The following PRKCG variants were observed in gnomAD, a reference collection of about 807,000 sequenced individuals.
PRKCG encodes the protein protein kinase C gamma type.
Under a neutral mutation model 82.0 loss-of-function variants are expected in PRKCG, and 28 were observed. The ratio of observed to expected loss-of-function variants is 0.34; its 90% confidence interval spans 0.25 to 0.47. The LOEUF (loss-of-function observed/expected upper bound fraction) is 0.47. Ranked by LOEUF, PRKCG falls within the 20% of genes least tolerant of loss-of-function variation. The pLI, the probability that PRKCG is intolerant of heterozygous loss-of-function variation, is 1.00. For synonymous variants in PRKCG, 383 were observed against 376.6 expected (o/e 1.02, Z -0.20); for missense variants, 640 against 952.7 (o/e 0.67, Z 4.32).
At position 53,900,844 on chromosome 19, in the gene PRKCG, A is replaced by C. The variant is rs114129588; in HGVS notation, c.1575+95A>C. ...TCACCACGGGTGAGGCCTGACCCTC[A>C]GACCTTGTCATGAGTTGTGGCCTTC... On this transcript the variant is annotated intron_variant, in intron 14 of 17. Transcript: ENST00000263431. This position sits in a 1 kb window ranked among gnomAD's most constrained non-coding sequence, Gnocchi z 4.2. The C allele has an allele frequency of 3.1e-4, 493 of 1,587,054 alleles. 1 individual carries two copies. The African/African-American group carries it at 5.6e-3, about 18-fold the overall frequency.
intron 3 of PRKCG, among the ~76,000 whole-genome samples, chr19:53,885,881 T>C (rs368592909): frequency 1.3e-4 from 20 of 151,836 alleles, no homozygotes; most frequent in Middle Eastern, 3.4e-3. Context: ...ACCAGATAAG[T>C]CTGATGCATC....
Position 53,882,697 on chromosome 19 carries a change from A to ACGT in PRKCG, c.170+33_170+34insCGT. ...AAGGGGGCTGGGGGACTGGGGGACG[A>ACGT]GGGGACTAGGGGTGCAGACTCCTAT... On this transcript the variant is annotated intron_variant, in intron 1 of 17. Coordinates refer to ENST00000263431, the MANE Select transcript of PRKCG (RefSeq NM_002739.5). The surrounding 1 kb of genome is among the most constrained non-coding windows in gnomAD (Gnocchi z 6.1). 6 of 768,322 alleles carry ACGT rather than the reference A, an allele frequency of 7.8e-6. No individual in the cohort carries two copies. Among genetic ancestry groups the ACGT allele is most frequent in the Non-Finnish European group, 1.3e-5 (6 of 469,868 alleles). 47.6% of individuals were successfully genotyped at this position (768,322 alleles called of 1,614,324 possible).
chr19:53,895,424 GCTGC>G (rs1309835497), intron 9 of PRKCG, among the ~76,000 whole-genome samples: 1 of 149,892 alleles, frequency 6.7e-6, no homozygotes, highest in East Asian at 2.0e-4. Flanking sequence ...GGAAGTAGAG[GCTGC>G]AGTGAGCCCA....
chr19:53,891,097 C>T (rs1445061651), intron 5 of PRKCG, among the ~76,000 whole-genome samples: 1 of 151,844 alleles, frequency 6.6e-6, no homozygotes, highest in African/African-American at 2.4e-5. Context: ...GTACCTGGTT[C>T]TGAGGGAGGC....
At chr19:53,898,969 T>C (rs534972438) in intron 11 of PRKCG, among the ~76,000 whole-genome samples, 1 of 71,508 alleles carries the variant, frequency 1.4e-5, no homozygotes, top group African/African-American at 6.5e-5. Context: ...GCGGATGAAA[T>C]CTTTGGGGGG....
chr19:53,884,425 A>C lies in PRKCG; in HGVS notation c.285+182A>C, dbSNP rs778831190. Among the ~76,000 whole-genome samples, 1 of 151,490 alleles carries C rather than the reference A, an allele frequency of 6.6e-6. No homozygotes were observed. Among genetic ancestry groups the C allele is most frequent in the Non-Finnish European group, 1.5e-5 (1 of 67,878 alleles). The stretch of plus-strand genomic sequence containing the variant: ...CCTGGAAAGGGGGAATGCGAGGGGG[A>C]CTGACAGGCTGGGGACACGGGTGGG... On this transcript the variant is annotated intron_variant, in intron 3 of 17. Transcript: ENST00000263431. The surrounding 1 kb of genome is among the most constrained non-coding windows in gnomAD (Gnocchi z 4.6).
chr19:53,906,067 C>G (rs2068804434), intron 16 of PRKCG, among the ~76,000 whole-genome samples: 1 of 77,386 alleles, frequency 1.3e-5, no homozygotes, highest in African/African-American at 1.1e-4. Flanking sequence ...CCTCCTCCTC[C>G]TCCTCCTCCT....
At chr19:53,893,120 C>A (rs2068692259) in intron 8 of PRKCG, 45 bp downstream of exon 8, 2 of 1,562,818 alleles carry the variant, frequency 1.3e-6, no homozygotes, top group Admixed American at 1.7e-5. Context: ...CCCAGCCTCC[C>A]ACGGTTCAGA....
Position 53,882,731 on chromosome 19 carries a change from C to A in PRKCG, c.170+67C>A. The stretch of plus-strand genomic sequence containing the variant: ...GGGGTGCAGACTCCTATCACGCCGA[C>A]CCCTGTGGAAGGAAGAAGGAGGGGG... On this transcript the variant is annotated intron_variant, in intron 1 of 17. Transcript: ENST00000263431. The surrounding 1 kb of genome is among the most constrained non-coding windows in gnomAD (Gnocchi z 6.1). 1 of 1,582,720 alleles carries A rather than the reference C, an allele frequency of 6.3e-7. No homozygotes were observed. The highest frequency in any genetic ancestry group is 8.6e-7 in the Non-Finnish European group (1 of 1,163,106).
At chr19:53,885,466 G>C (rs1430324281) in intron 3 of PRKCG, among the ~76,000 whole-genome samples, 1 of 152,122 alleles carries the variant, frequency 6.6e-6, no homozygotes, top group East Asian at 1.9e-4. Context: ...TCCTGACCTT[G>C]TGATCCACCC....
chr19:53,888,146 T>G (rs1397728508), intron 3 of PRKCG, among the ~76,000 whole-genome samples: 2 of 152,198 alleles, frequency 1.3e-5, no homozygotes, highest in African/African-American at 4.8e-5. Flanking sequence ...AGCATCTTAT[T>G]TAGTGCGGCA....
Position 53,898,645 on chromosome 19 carries a change from C to T in PRKCG, c.1281+17C>T. The T allele has an allele frequency of 1.3e-6, 2 of 1,558,436 alleles. No individual in the cohort carries two copies. The highest frequency in any genetic ancestry group is 1.2e-5 in the South Asian group (1 of 85,794). On this transcript the variant is annotated intron_variant, in intron 11 of 17. Transcript: ENST00000263431. ...CAGACCCCGGTAAGGATGGAGGGGG[C>T]GGAGGCTGTCCTCCGGGCCCTGCCT...
rs41275810 is a variant in PRKCG, at chr19:53,892,778, A to G, written c.821+135A>G. 1.1e-3 allele frequency: 1,034 copies of G among 928,392 alleles called. 7 individuals are homozygous for G. The African/African-American group carries it at 0.017, about 15-fold the overall frequency. The allele number at this position is 928,392 out of a possible 1,614,324, so 57.5% of individuals were successfully genotyped here. On this transcript the variant is annotated intron_variant, in intron 7 of 17. Coordinates refer to ENST00000263431, the MANE Select transcript of PRKCG (RefSeq NM_002739.5). The surrounding 1 kb of genome is among the most constrained non-coding windows in gnomAD (Gnocchi z 5.9). The stretch of plus-strand genomic sequence containing the variant: ...CACACACACACACACACACACACAC[A>G]CACGCACACACACGCACACACCCCT...
rs944111734 is a variant in PRKCG at position 53,892,133 on chromosome 19, A to G, written c.686+303A>G. Among the ~76,000 whole-genome samples, 1 of 152,114 alleles carries G rather than the reference A, an allele frequency of 6.6e-6. No individual in the cohort carries two copies. The highest frequency in any genetic ancestry group is 2.4e-5 in the African/African-American group (1 of 41,428). On this transcript the variant is annotated intron_variant, in intron 6 of 17. Coordinates refer to ENST00000263431, the MANE Select transcript of PRKCG (RefSeq NM_002739.5). The surrounding 1 kb of genome is among the most constrained non-coding windows in gnomAD (Gnocchi z 5.9). ...GGCAGAAACCCAAAGAGAGACACAG[A>G]TGGAGAGGGAGGGGAGAAGATGGGG...
chr19:53,904,945 C>T (rs1308062326), intron 16 of PRKCG, among the ~76,000 whole-genome samples: 4 of 152,206 alleles, frequency 2.6e-5, no homozygotes, highest in Non-Finnish European at 1.5e-5. Flanking sequence ...TCTGTCTCAT[C>T]CTTCTCTGTG....
chr19:53,883,328 A>C lies in PRKCG; in HGVS notation c.202+134A>C. The stretch of plus-strand genomic sequence containing the variant: ...GGGAGCCCGGGGCGGGGGGTGTGGC[A>C]GAGACACAGCCTGTGGTGGGGAGGG... On this transcript the variant is annotated intron_variant, in intron 2 of 17. Coordinates refer to ENST00000263431, the MANE Select transcript of PRKCG (RefSeq NM_002739.5). This position sits in a 1 kb window ranked among gnomAD's most constrained non-coding sequence, Gnocchi z 5.4. The C allele has an allele frequency of 9.1e-7, 1 of 1,097,272 alleles. No homozygotes were observed. Among genetic ancestry groups the C allele is most frequent in the Non-Finnish European group, 1.3e-6 (1 of 741,754 alleles). 68.0% of individuals were successfully genotyped at this position (1,097,272 alleles called of 1,614,324 possible).
intron 3 of PRKCG, among the ~76,000 whole-genome samples, chr19:53,885,406 A>G (rs1469445741): frequency 6.6e-6 from 1 of 151,758 alleles, no homozygotes; most frequent in East Asian, 1.9e-4. Context: ...TTTTTTTTGT[A>G]TTTTTAGTAG....
Position 53,892,937 on chromosome 19 carries a change from C to A in PRKCG, c.822-51C>A. 6.5e-7 allele frequency: 1 copy of A among 1,533,010 alleles called. No homozygotes were observed. Among genetic ancestry groups the A allele is most frequent in the East Asian group, 2.2e-5 (1 of 44,446 alleles). 95.0% of individuals were successfully genotyped at this position (1,533,010 alleles called of 1,614,324 possible). On this transcript the variant is annotated intron_variant, in intron 7 of 17. Coordinates refer to ENST00000263431, the MANE Select transcript of PRKCG (RefSeq NM_002739.5). The surrounding 1 kb of genome is among the most constrained non-coding windows in gnomAD (Gnocchi z 5.9). ...TCCCTTCCAATGTCTTTGCCTCTCC[C>A]ATGGGTGCCCCATCCCCGCTGCCCG... is the stretch of plus-strand genomic sequence containing the variant.
chr19:53,890,995 G>T (rs896597444), intron 5 of PRKCG, among the ~76,000 whole-genome samples: 9 of 151,658 alleles, frequency 5.9e-5, no homozygotes, highest in Admixed American at 5.9e-4. Flanking sequence ...CAGGTGATCC[G>T]CCCGCCTCCG....
Sources: gnomAD v4.1 joint callset for allele counts (sites outside exome capture counted in the v4.1 genomes callset) on GRCh38, gnomAD v4.1.1 for gene constraint, Gnocchi (gnomAD v3.1) non-coding constraint, MANE v1.5 for transcripts, NCBI Gene and HGNC (gene_info 2026-07-23, HGNC 2026-07-21) for gene names.